Variants in KIF3A observed in about 807,000 individuals in gnomAD.
KIF3A encodes the protein kinesin-like protein KIF3A.
In KIF3A, 27 loss-of-function variants were observed where a neutral mutation model predicts 92.6. The observed-to-expected ratio is 0.29, with a 90% CI of 0.21 to 0.40. The LOEUF is 0.40. Ranked by LOEUF, KIF3A falls within the 10% of genes least tolerant of loss-of-function variation. The pLI, the probability that KIF3A is intolerant of heterozygous loss-of-function variation, is 1.00. For synonymous variants in KIF3A, 250 were observed against 275.4 expected (o/e 0.91, Z 0.92); for missense variants, 581 against 872.6 (o/e 0.67, Z 4.21).
At chr5:132,690,070 T>C (rs762899432), downstream of KIF3A, among the ~76,000 whole-genome samples, 7 of 152,062 alleles carry the variant, frequency 4.6e-5, no homozygotes, top group Non-Finnish European at 8.8e-5. Flanking sequence ...ATACAAAAAT[T>C]AGCCGAGCAT....
At position 132,716,403 on chromosome 5, in the gene KIF3A, G is replaced by A. The variant is rs1338247861; in HGVS notation, c.796C>T (p.Arg266Cys). ...RQAKTGATGQ[R>C]LKEATKINLS... is the part of the protein sequence containing the mutation. Reference sequence around the variant, plus strand: ...TTGATTTTTGTAGCTTCCTTTAGGCGCTGTCCAGTAGCTCCAGTTTTTGCC... The same window carrying A: ...TTGATTTTTGTAGCTTCCTTTAGGCACTGTCCAGTAGCTCCAGTTTTTGCC... Residue 266 changes from arginine to cysteine, a missense_variant, in exon 7 of 19, where the codon CGC (arginine) becomes TGC (cysteine). Transcript: ENST00000403231. 3.1e-6 allele frequency: 5 copies of A among 1,613,772 alleles called. No individual in the cohort carries two copies. The highest frequency in any genetic ancestry group is 2.2e-5 in the East Asian group (1 of 44,876).
chr5:132,706,384 T>G, intron 11 of KIF3A, 67 bp downstream of exon 11: 1 of 1,176,812 alleles, frequency 8.5e-7, no homozygotes, highest in Non-Finnish European at 1.2e-6. Flanking sequence ...TTTAATGTAT[T>G]TAAATAACAT....
rs1242615345 is a variant in KIF3A, at chr5:132,696,453, A to G, written c.*181T>C. On this transcript the variant is annotated 3_prime_UTR_variant, in exon 19 of 19. Coordinates refer to ENST00000403231, the MANE Select transcript of KIF3A (RefSeq NM_001300791.2). ...GAACAATCACCAGTTGTACAATTTTAATGTTATATTAATATATGTAGACTA... is the reference window on the plus strand; with the variant it reads ...GAACAATCACCAGTTGTACAATTTTGATGTTATATTAATATATGTAGACTA... The G allele has an allele frequency of 5.5e-6, 3 of 546,874 alleles. No homozygotes were observed. Among genetic ancestry groups the G allele is most frequent in the Non-Finnish European group, 9.9e-6 (3 of 301,576 alleles). 33.9% of individuals were successfully genotyped at this position (546,874 alleles called of 1,614,324 possible). A position where few individuals can be genotyped will look rare whatever the true frequency, so the allele number is the denominator to read the frequency against.
At chr5:132,730,362 T>G (rs1002603990) in intron 2 of KIF3A, among the ~76,000 whole-genome samples, 1 of 150,876 alleles carries the variant, frequency 6.6e-6, no homozygotes, top group Non-Finnish European at 1.5e-5. Flanking sequence ...GCTACCCAGG[T>G]GGCTGAGGCG....
At chr5:132,701,317 G>T (rs1753028699) in intron 15 of KIF3A, among the ~76,000 whole-genome samples, 1 of 151,912 alleles carries the variant, frequency 6.6e-6, no homozygotes, top group Non-Finnish European at 1.5e-5. Context: ...TGGCCAACAT[G>T]GCTAAACCCC....
At chr5:132,734,621 A>G (rs187500422) in intron 1 of KIF3A, 143 bp from the exon 2 acceptor site, 859 of 661,454 alleles carry the variant, frequency 1.3e-3, no homozygotes, top group Non-Finnish European at 1.8e-3. Context: ...GTTAAATGCA[A>G]TTAAAGATCT....
chr5:132,718,776 G>A (rs1215071509), intron 5 of KIF3A, among the ~76,000 whole-genome samples: 1 of 152,162 alleles, frequency 6.6e-6, no homozygotes, highest in Admixed American at 6.5e-5. Context: ...ATAGGCGTAA[G>A]CCACCACGTC....
intron 18 of KIF3A, among the ~76,000 whole-genome samples, chr5:132,698,768 C>G (rs1341568393): frequency 2.7e-5 from 2 of 73,054 alleles, no homozygotes; most frequent in Non-Finnish European, 5.8e-5. Context: ...CTTGCTCTGT[C>G]ACCCAGGCTG....
chr5:132,724,656 G>C (rs1173310940), intron 4 of KIF3A, among the ~76,000 whole-genome samples: 1 of 151,378 alleles, frequency 6.6e-6, no homozygotes, highest in African/African-American at 2.4e-5. Flanking sequence ...GGTGGGAGGA[G>C]TGGGGAGGGA....
At chr5:132,711,336 A>G (rs1753416099) in intron 8 of KIF3A, among the ~76,000 whole-genome samples, 1 of 152,228 alleles carries the variant, frequency 6.6e-6, no homozygotes, top group African/African-American at 2.4e-5. Flanking sequence ...GCACGCCTGT[A>G]ATCCCAGCAC....
intron 2 of KIF3A, among the ~76,000 whole-genome samples, chr5:132,726,706 T>C (rs927843699): frequency 7.2e-5 from 11 of 152,200 alleles, no homozygotes; most frequent in Admixed American, 3.9e-4. Flanking sequence ...CAATGAGAGA[T>C]ATCCCTAAGA....
Position 132,703,059 on chromosome 5 carries a change from C to T in KIF3A, c.1473G>A (p.Glu491=), listed in dbSNP as rs1414922746. 6.2e-7 allele frequency: 1 copy of T among 1,607,630 alleles called. No individual in the cohort carries two copies. Residue 491 remains glutamate, a synonymous_variant, in exon 13 of 19, where the codon GAG becomes GAA. Transcript: ENST00000403231. ...REKDLLKAQQ[E]HQSLLEKLSA... ...ATAATTTTTCCAGCAAAGACTGATG[C>T]TCTTGTCTGTTGATTAGAATGAGAA...
chr5:132,716,727 C>G (rs1753638583), intron 6 of KIF3A, 118 bp downstream of exon 6: 8 of 1,119,022 alleles, frequency 7.1e-6, no homozygotes. Flanking sequence ...TAAACATACA[C>G]AAGTAACACC....
In KIF3A at chr5:132,726,335, T is replaced by A; in HGVS notation, c.425+19A>T. The A allele has an allele frequency of 2.5e-6, 4 of 1,611,852 alleles. No individual in the cohort carries two copies. Among genetic ancestry groups the A allele is most frequent in the Non-Finnish European group, 3.4e-6 (4 of 1,178,418 alleles). On this transcript the variant is annotated intron_variant, in intron 3 of 18. Coordinates refer to ENST00000403231, the MANE Select transcript of KIF3A (RefSeq NM_001300791.2). ...GTTTGTACTTCTCAATATCAGAAAA[T>A]AAAAGAATTCCCTTTTACCTTGTAT...
chr5:132,731,931 G>A (rs910396550), intron 2 of KIF3A, among the ~76,000 whole-genome samples: 2 of 151,850 alleles, frequency 1.3e-5, no homozygotes, highest in African/African-American at 2.4e-5. Context: ...GGCTAGTCTC[G>A]AACTCCCGAC....
In KIF3A at chr5:132,700,661, C is replaced by G; in HGVS notation, c.1924G>C (p.Gly642Arg). Residue 642 changes from glycine (G) to arginine (R), a missense_variant, in exon 16 of 19, where the codon GGA (glycine) becomes CGA (arginine). By Grantham distance (125) the Gly-to-Arg change is moderately radical. This residue lies in a region of KIF3A where 112 missense variants were observed against 144.3 expected (regional missense o/e 0.78). Coordinates refer to ENST00000403231, the MANE Select transcript of KIF3A (RefSeq NM_001300791.2). ...GTAATACTCACTAGCTGCCATTCTC[C>G]TATGTCTTCATTCCAATGGACATAG... ...ENYVHWNEDIGEWQLKCVAYT... is the reference protein window; with the variant it reads ...ENYVHWNEDIREWQLKCVAYT... 1 of 1,591,810 alleles carries G rather than the reference C, an allele frequency of 6.3e-7. No homozygotes were observed. The highest frequency in any genetic ancestry group is 8.6e-7 in the Non-Finnish European group (1 of 1,159,868).
At chr5:132,706,368 T>C in intron 11 of KIF3A, 83 bp downstream of exon 11, 1 of 1,005,316 alleles carries the variant, frequency 9.9e-7, no homozygotes, top group South Asian at 2.2e-5. Flanking sequence ...TACTAAATTT[T>C]AAAAATTTAA....
chr5:132,731,382 C>G (rs933100454), intron 2 of KIF3A, among the ~76,000 whole-genome samples: 1 of 151,890 alleles, frequency 6.6e-6, no homozygotes, highest in African/African-American at 2.4e-5. Flanking sequence ...ACCATATTAA[C>G]AAACCTTAAA....
chr5:132,713,008 A>G (rs905352879), intron 8 of KIF3A, among the ~76,000 whole-genome samples: 4 of 152,086 alleles, frequency 2.6e-5, no homozygotes, highest in Admixed American at 1.3e-4. Flanking sequence ...AAATACGAAA[A>G]TTAGCTGGGC....
Sources: gnomAD v4.1 joint callset for allele counts (sites outside exome capture counted in the v4.1 genomes callset) on GRCh38, gnomAD v4.1.1 for gene constraint, gnomAD v4.1.1 regional missense constraint, MANE v1.5 for transcripts, NCBI Gene and HGNC (gene_info 2026-07-23, HGNC 2026-07-21) for gene names.